Variants in NIBAN2 observed in about 807,000 individuals in gnomAD.
NIBAN2 encodes the protein niban apoptosis regulator 2.
Under a neutral mutation model 81.8 loss-of-function variants are expected in NIBAN2, and 36 were observed. The ratio of observed to expected loss-of-function variants is 0.44; its 90% CI spans 0.34 to 0.58. NIBAN2 has a LOEUF of 0.58. Ranked by LOEUF, NIBAN2 falls within the 20% of genes least tolerant of loss-of-function variation. The probability of loss-of-function intolerance (pLI) is 0.02; values close to 1 mark genes in which losing one functional copy is unlikely to be tolerated. For missense variants in NIBAN2, 897 were observed against 1,014.1 expected, an observed-to-expected ratio of 0.88 and a Z score of 1.57; for synonymous variants, 445 against 441.6, an observed-to-expected ratio of 1.01 and a Z score of -0.10.
At chr9:127,556,307 C>T (rs530716632) in intron 1 of NIBAN2, among the ~76,000 whole-genome samples, 13 of 152,126 alleles carry the variant, frequency 8.5e-5, no homozygotes, top group African/African-American at 2.6e-4. Flanking sequence ...GCAGGGGGTA[C>T]GTCACCACCC....
At chr9:127,565,878 T>G (rs941842172) in intron 1 of NIBAN2, among the ~76,000 whole-genome samples, 1 of 150,320 alleles carries the variant, frequency 6.7e-6, no homozygotes, top group African/African-American at 2.5e-5. Context: ...CAAAGGAGGA[T>G]TGGTTGAGCC....
At chr9:127,513,763 A>C (rs952920997) in intron 8 of NIBAN2, among the ~76,000 whole-genome samples, 1 of 152,224 alleles carries the variant, frequency 6.6e-6, no homozygotes, top group African/African-American at 2.4e-5. Context: ...CTGTCTACGC[A>C]GTAGCCATTC....
intron 5 of NIBAN2, among the ~76,000 whole-genome samples, chr9:127,518,162 T>C (rs1836869725): frequency 6.6e-6 from 1 of 152,164 alleles, no homozygotes; most frequent in South Asian, 2.1e-4. Context: ...GCAGCCCCCT[T>C]GCCTCCTCCT....
intron 8 of NIBAN2, among the ~76,000 whole-genome samples, chr9:127,512,929 G>A (rs1239145821): frequency 6.6e-6 from 1 of 152,144 alleles, no homozygotes. Context: ...CGTGTTTGTT[G>A]CGGCTCTGTT....
intron 3 of NIBAN2, 95 bp downstream of exon 3, chr9:127,527,099 C>A: frequency 6.7e-7 from 1 of 1,493,190 alleles, no homozygotes; most frequent in African/African-American, 1.4e-5. Context: ...CAGGCTGTGA[C>A]GGTGGCGTCT....
upstream of NIBAN2, among the ~76,000 whole-genome samples, chr9:127,571,404 A>T (rs1837944286): frequency 6.6e-6 from 1 of 152,200 alleles, no homozygotes; most frequent in Non-Finnish European, 1.5e-5. Context: ...CATGAGATGA[A>T]AGTGGAAAGG....
chr9:127,575,528 T>A (rs960855597), intron 1 of NIBAN2, among the ~76,000 whole-genome samples: 7 of 120,784 alleles, frequency 5.8e-5, no homozygotes, highest in Non-Finnish European at 1.4e-4. Flanking sequence ...GCTGGGCCCT[T>A]TTTTTTTTTT....
At chr9:127,509,430 C>T (rs985627161) in intron 9 of NIBAN2, among the ~76,000 whole-genome samples, 1 of 152,170 alleles carries the variant, frequency 6.6e-6, no homozygotes, top group Non-Finnish European at 1.5e-5. Context: ...GCAAGTCATT[C>T]ACCCTCTCTG....
chr9:127,529,593 CTG>C (rs1295716796), intron 2 of NIBAN2, among the ~76,000 whole-genome samples: 1 of 152,154 alleles, frequency 6.6e-6, no homozygotes, highest in Non-Finnish European at 1.5e-5. Context: ...TGAGCCGAGA[CTG>C]TGCCACTGCA....
intron 1 of NIBAN2, among the ~76,000 whole-genome samples, chr9:127,553,994 C>A (rs563810125): frequency 1.4e-4 from 21 of 152,272 alleles, no homozygotes; most frequent in African/African-American, 4.3e-4. Context: ...CCCACCCACG[C>A]CCGGCCTTCA....
intron 8 of NIBAN2, among the ~76,000 whole-genome samples, chr9:127,511,254 G>T (rs1358557666): frequency 6.6e-6 from 1 of 151,992 alleles, no homozygotes; most frequent in East Asian, 1.9e-4. Context: ...CACCATATTG[G>T]CCAGGCTGGT....
rs1482842632 is a variant in NIBAN2 at position 127,508,038 on chromosome 9, G to T, written c.1542+55C>A. ...GGCCAAGGGTAGAGGGAGGCCTGTG[G>T]GCTCCATCCCCCAACTTAGGGCCCA... On this transcript the variant is annotated intron_variant, in intron 12 of 13. Transcript: ENST00000373312. The surrounding 1 kb of genome is among the most constrained non-coding windows in gnomAD (Gnocchi z 6.4). 6.2e-7 allele frequency: 1 copy of T among 1,610,916 alleles called. No homozygotes were observed. Among genetic ancestry groups the T allele is most frequent in the Non-Finnish European group, 8.5e-7 (1 of 1,177,240 alleles).
intron 9 of NIBAN2, 158 bp downstream of exon 9, chr9:127,509,988 G>T: frequency 1.7e-6 from 1 of 600,758 alleles, no homozygotes; most frequent in Non-Finnish European, 2.8e-6. Context: ...AACAGCCCTG[G>T]CCTCACAGCC....
intron 4 of NIBAN2, 77 bp from the exon 5 acceptor site, chr9:127,523,923 T>A: frequency 6.7e-7 from 1 of 1,482,686 alleles, no homozygotes; most frequent in Non-Finnish European, 9.3e-7. Context: ...ACTGATCCCT[T>A]GGCATCAGCT....
upstream of NIBAN2, among the ~76,000 whole-genome samples, chr9:127,573,591 T>C (rs1176967634): frequency 1.3e-5 from 2 of 152,198 alleles, no homozygotes; most frequent in Non-Finnish European, 2.9e-5. Flanking sequence ...TGATGTCCCC[T>C]TGTTACTTTT....
chr9:127,516,052 G>A (rs992715022), intron 8 of NIBAN2, among the ~76,000 whole-genome samples: 1 of 151,872 alleles, frequency 6.6e-6, no homozygotes, highest in Admixed American at 6.6e-5. Context: ...GTGGGAGGAT[G>A]GTAGAGACTG....
intron 5 of NIBAN2, among the ~76,000 whole-genome samples, chr9:127,521,367 C>A (rs182414205): frequency 6.6e-6 from 1 of 152,158 alleles, no homozygotes; most frequent in Non-Finnish European, 1.5e-5. Context: ...TCCCAGGCAG[C>A]AGACAGAGGG....
At chr9:127,552,684 G>GCT (rs1399048845) in intron 1 of NIBAN2, among the ~76,000 whole-genome samples, 8 of 97,974 alleles carry the variant, frequency 8.2e-5, no homozygotes, top group Non-Finnish European at 1.6e-4. Flanking sequence ...TGGAATATTC[G>GCT]TTTTTTTTTT....
intron 1 of NIBAN2, among the ~76,000 whole-genome samples, chr9:127,538,710 C>T (rs1184095847): frequency 1.3e-5 from 2 of 150,308 alleles, no homozygotes; most frequent in African/African-American, 2.5e-5. Context: ...TTTGGGAGGC[C>T]GAGGCAGGCA....
Sources: allele counts gnomAD v4.1 joint callset (sites outside exome capture counted in the v4.1 genomes callset), GRCh38; gene constraint gnomAD v4.1.1; non-coding constraint Gnocchi (gnomAD v3.1); transcripts MANE v1.5; gene names NCBI Gene and HGNC (gene_info 2026-07-23, HGNC 2026-07-21).